Variants in DLC1 observed in about 807,000 individuals in gnomAD.
DLC1 encodes the protein DLC1 Rho GTPase activating protein.
In DLC1, 54 loss-of-function variants were observed where a neutral mutation model predicts 140.3. The ratio of observed to expected loss-of-function variants is 0.38; its 90% CI spans 0.31 to 0.48. The LOEUF (loss-of-function observed/expected upper bound fraction) is 0.48. Ranked by LOEUF, DLC1 falls within the 20% of genes least tolerant of loss-of-function variation. DLC1 has a pLI of 0.96. For synonymous variants in DLC1, 986 were observed against 728.1 expected, an observed-to-expected ratio of 1.35 and a Z score of -5.70; for missense variants, 2,536 against 1,907.0, an observed-to-expected ratio of 1.33 and a Z score of -6.14.
intron 2 of DLC1, among the ~76,000 whole-genome samples, chr8:13,447,574 G>T (rs945481062): frequency 6.6e-6 from 1 of 151,860 alleles, no homozygotes; most frequent in Non-Finnish European, 1.5e-5. Flanking sequence ...TTTTAGAAAA[G>T]AAAAAAACGT....
At chr8:13,565,150 T>C (rs1358703185) in intron 1 of DLC1, among the ~76,000 whole-genome samples, 1 of 152,208 alleles carries the variant, frequency 6.6e-6, no homozygotes, top group African/African-American at 2.4e-5. Flanking sequence ...TGGGTCACGC[T>C]GAATATTACA....
chr8:13,543,113 G>C (rs1803541706), intron 1 of DLC1, among the ~76,000 whole-genome samples: 1 of 152,078 alleles, frequency 6.6e-6, no homozygotes, highest in Non-Finnish European at 1.5e-5. Context: ...GCTTGTTCCA[G>C]TGATTAGTAA....
intron 5 of DLC1, among the ~76,000 whole-genome samples, chr8:13,256,094 C>G (rs924692438): frequency 1.3e-5 from 2 of 152,104 alleles, no homozygotes; most frequent in Admixed American, 1.3e-4. Flanking sequence ...GTCTCAAGAG[C>G]TAGTTGAGAC....
Position 13,125,174 on chromosome 8 carries a change from G to T in DLC1, c.1349-9517C>A, listed in dbSNP as rs1051360153. ...GTATTTTTAGTAGAGACGGGGTTTCGCCATGTTGGCCAGGCTGGTCTCAAA... is the reference window on the plus strand; with the variant it reads ...GTATTTTTAGTAGAGACGGGGTTTCTCCATGTTGGCCAGGCTGGTCTCAAA... On this transcript the variant is annotated intron_variant, in intron 5 of 17. Coordinates refer to ENST00000276297, the MANE Select transcript of DLC1 (RefSeq NM_182643.3). Among the ~76,000 whole-genome samples the T allele has an allele frequency of 9.2e-5, 14 of 152,078 alleles. 1 individual carries two copies. The South Asian group carries it at 1.7e-3, about 18-fold the overall frequency.
chr8:13,419,654 G>A (rs898644774), intron 2 of DLC1, among the ~76,000 whole-genome samples: 23 of 152,184 alleles, frequency 1.5e-4, no homozygotes, highest in Admixed American at 1.5e-3. Flanking sequence ...TGTTCACCAA[G>A]GACATTGGTC....
intron 5 of DLC1, among the ~76,000 whole-genome samples, chr8:13,275,795 G>A (rs1248625917): frequency 6.6e-6 from 1 of 152,068 alleles, no homozygotes; most frequent in Admixed American, 6.5e-5. Context: ...ACTGGGCAGC[G>A]CCCATCACTC....
intron 4 of DLC1, among the ~76,000 whole-genome samples, chr8:13,352,123 C>G (rs187634737): frequency 3.0e-4 from 46 of 152,260 alleles, no homozygotes; most frequent in African/African-American, 9.4e-4. Context: ...TGAGTTAAGA[C>G]AACTGTTTAC....
intron 4 of DLC1, among the ~76,000 whole-genome samples, chr8:13,372,565 G>A (rs1248879167): frequency 6.6e-6 from 1 of 152,094 alleles, no homozygotes; most frequent in Non-Finnish European, 1.5e-5. Context: ...TGAAACACTG[G>A]GGCTGACTTG....
intron 2 of DLC1, among the ~76,000 whole-genome samples, chr8:13,430,876 A>G (rs180720459): frequency 6.6e-6 from 1 of 152,350 alleles, no homozygotes; most frequent in African/African-American, 2.4e-5. Context: ...ATAATTACTG[A>G]GGCAGAAATA....
At chr8:13,182,692 G>T (rs1033495325) in intron 5 of DLC1, among the ~76,000 whole-genome samples, 11 of 152,058 alleles carry the variant, frequency 7.2e-5, no homozygotes, top group Admixed American at 6.6e-5. Context: ...CTCTGTTTTG[G>T]TACCAGTACC....
chr8:13,321,465 G>A (rs1402373806), intron 4 of DLC1, among the ~76,000 whole-genome samples: 1 of 135,076 alleles, frequency 7.4e-6, no homozygotes, highest in Admixed American at 8.6e-5. Context: ...TTGAACCCAG[G>A]AGGCAGAAGT....
At chr8:13,510,533 A>G (rs1246041664) in intron 1 of DLC1, among the ~76,000 whole-genome samples, 1 of 152,186 alleles carries the variant, frequency 6.6e-6, no homozygotes, top group Non-Finnish European at 1.5e-5. Flanking sequence ...ATCTCATCTA[A>G]TGCCTAACAT....
At chr8:13,539,425 C>A (rs1299228488) in intron 1 of DLC1, among the ~76,000 whole-genome samples, 1 of 152,106 alleles carries the variant, frequency 6.6e-6, no homozygotes, top group African/African-American at 2.4e-5. Flanking sequence ...TGGTCTCAAT[C>A]TCCTGACCTC....
At chr8:13,438,069 CAT>C (rs1243246017) in intron 2 of DLC1, among the ~76,000 whole-genome samples, 3 of 147,596 alleles carry the variant, frequency 2.0e-5, no homozygotes, top group African/African-American at 7.5e-5. Flanking sequence ...ATAAAATTAA[CAT>C]GTTTTTCTCT....
intron 6 of DLC1, among the ~76,000 whole-genome samples, chr8:13,111,465 C>G (rs1455190306): frequency 6.6e-6 from 1 of 152,168 alleles, no homozygotes; most frequent in Non-Finnish European, 1.5e-5. Flanking sequence ...ATCCTTTAAT[C>G]TGTAGAAGAG....
At chr8:13,417,900 G>A (rs545516537) in intron 2 of DLC1, among the ~76,000 whole-genome samples, 31 of 152,176 alleles carry the variant, frequency 2.0e-4, no homozygotes, top group South Asian at 6.2e-4. Flanking sequence ...AATGATTGCC[G>A]TCATTCTAAC....
intron 2 of DLC1, among the ~76,000 whole-genome samples, chr8:13,413,805 C>A (rs1000005118): frequency 6.6e-6 from 1 of 152,060 alleles, no homozygotes; most frequent in Admixed American, 6.6e-5. Context: ...TGAGGCCTCC[C>A]AGCCATGCGG....
intron 5 of DLC1, among the ~76,000 whole-genome samples, chr8:13,170,583 A>G (rs1825398602): frequency 6.6e-6 from 1 of 152,110 alleles, no homozygotes; most frequent in Non-Finnish European, 1.5e-5. Context: ...ACAAAAAATT[A>G]GCTGGGCATG....
intron 5 of DLC1, among the ~76,000 whole-genome samples, chr8:13,256,722 G>A (rs1830243615): frequency 6.6e-6 from 1 of 152,044 alleles, no homozygotes; most frequent in Admixed American, 6.6e-5. Flanking sequence ...GGGGCCTGTT[G>A]GCGGGTGGGG....
Sources: gnomAD v4.1 joint callset for allele counts (sites outside exome capture counted in the v4.1 genomes callset) on GRCh38, gnomAD v4.1.1 for gene constraint, MANE v1.5 for transcripts, NCBI Gene and HGNC (gene_info 2026-07-23, HGNC 2026-07-21) for gene names.